The following ABCB1 variants were observed in gnomAD, a reference collection of about 807,000 sequenced individuals.
ABCB1 encodes ATP binding cassette subfamily B member 1.
In ABCB1, 69 loss-of-function variants were observed where a neutral mutation model predicts 142.0. The ratio of observed to expected loss-of-function variants is 0.49; its 90% CI spans 0.40 to 0.59. The LOEUF is 0.59. ABCB1 is among the 20% of genes least tolerant of loss of function. The pLI is 0.00. For missense variants in ABCB1, 1,326 were observed against 1,554.7 expected (o/e 0.85, Z 2.47); for synonymous variants, 532 against 539.2 (o/e 0.99, Z 0.18).
At chr7:87,569,991 A>G (rs758937871) in intron 5 of ABCB1, among the ~76,000 whole-genome samples, 181 bp downstream of exon 5, 1 of 152,180 alleles carries the variant, frequency 6.6e-6, no homozygotes, top group Non-Finnish European at 1.5e-5. Context: ...GCTTAACTCT[A>G]ACTTTTGTAT....
chr7:87,638,761 A>G (rs934722847), intron 1 of ABCB1, among the ~76,000 whole-genome samples: 1 of 151,886 alleles, frequency 6.6e-6, no homozygotes, highest in Non-Finnish European at 1.5e-5. Flanking sequence ...AATTTTACCA[A>G]CTTTTTCAAA....
intron 4 of ABCB1, among the ~76,000 whole-genome samples, chr7:87,582,482 G>A (rs1818550122): frequency 6.6e-6 from 1 of 152,324 alleles, no homozygotes; most frequent in African/African-American, 2.4e-5. Context: ...GGAATGATGA[G>A]GGCATGTACT....
chr7:87,513,515 T>C (rs1035311346), intron 25 of ABCB1, among the ~76,000 whole-genome samples: 2 of 152,208 alleles, frequency 1.3e-5, no homozygotes, highest in African/African-American at 4.8e-5. Flanking sequence ...GGAAAGTGAC[T>C]ATGAGTACAT....
intron 4 of ABCB1, among the ~76,000 whole-genome samples, chr7:87,574,244 A>G (rs1563058896): frequency 6.6e-6 from 1 of 152,144 alleles, no homozygotes; most frequent in African/African-American, 2.4e-5. Flanking sequence ...AGCTTCTAAG[A>G]GAGGAGGACG....
At chr7:87,505,095 C>T (rs1261542292) in intron 27 of ABCB1, among the ~76,000 whole-genome samples, 2 of 151,998 alleles carry the variant, frequency 1.3e-5, no homozygotes, top group Non-Finnish European at 2.9e-5. Flanking sequence ...TTCTGAGTAG[C>T]TGGGACTACA....
intron 7 of ABCB1, among the ~76,000 whole-genome samples, chr7:87,562,870 G>T (rs1240698293): frequency 6.6e-6 from 1 of 151,888 alleles, no homozygotes; most frequent in African/African-American, 2.4e-5. Flanking sequence ...GGTGACAAGT[G>T]GGAGAATCAC....
At chr7:87,657,898 C>T (rs1824276191) in intron 1 of ABCB1, among the ~76,000 whole-genome samples, 1 of 152,140 alleles carries the variant, frequency 6.6e-6, no homozygotes, top group Non-Finnish European at 1.5e-5. Context: ...CAATGCCCCC[C>T]TCCCACCTTC....
In ABCB1 at chr7:87,526,240, T is replaced by C. The variant is rs186248348; in HGVS notation, c.2685+5054A>G. On this transcript the variant is annotated intron_variant, in intron 21 of 27. Coordinates refer to ENST00000622132, the MANE Select transcript of ABCB1 (RefSeq NM_001348946.2). ...CTCTGTCATAAATCCTGTGAAATCA[T>C]GTACATCTGGACACAGTTTTCTCCA... Among the ~76,000 whole-genome samples, 20 of 152,088 alleles carry C rather than the reference T, an allele frequency of 1.3e-4. No individual in the cohort carries two copies. The East Asian group carries it at 3.5e-3, about 26-fold the overall frequency.
At chr7:87,712,847 A>G (rs1036088723) in intron 1 of ABCB1, among the ~76,000 whole-genome samples, 3 of 152,154 alleles carry the variant, frequency 2.0e-5, no homozygotes, top group Non-Finnish European at 4.4e-5. Flanking sequence ...ATATGCACAC[A>G]TACATATAAT....
chr7:87,506,114 T>C (rs1814727100), intron 26 of ABCB1, 71 bp from the exon 27 acceptor site: 2 of 1,501,510 alleles, frequency 1.3e-6, no homozygotes, highest in African/African-American at 1.4e-5. Context: ...TTATAGAAAG[T>C]AGGATAGACG....
intron 3 of ABCB1, among the ~76,000 whole-genome samples, chr7:87,593,640 C>T (rs1395062368): frequency 6.6e-6 from 1 of 152,184 alleles, no homozygotes; most frequent in African/African-American, 2.4e-5. Flanking sequence ...TGCAGTTCTG[C>T]CTTCCTTCTA....
chr7:87,709,227 A>C, intron 1 of ABCB1: 1 of 984,734 alleles, frequency 1.0e-6, no homozygotes, highest in South Asian at 4.7e-5. Flanking sequence ...TACATTTCTT[A>C]TCTAGTAACA....
At chr7:87,628,562 G>A in intron 1 of ABCB1, 1 of 329,492 alleles carries the variant, frequency 3.0e-6, no homozygotes, top group East Asian at 4.6e-5. Context: ...GGCGCGCCGA[G>A]GGCGGAGGTG....
intron 4 of ABCB1, among the ~76,000 whole-genome samples, chr7:87,584,253 A>T (rs1188844365): frequency 1.3e-5 from 2 of 152,184 alleles, no homozygotes; most frequent in African/African-American, 2.4e-5. Flanking sequence ...GTATCAAAAG[A>T]TCCGTATATA....
In ABCB1 at chr7:87,549,354, C is replaced by T; in HGVS notation, c.1719G>A (p.Leu573=). ...TGAACTAAGCCTCACTGACCTTATC[C>T]AGAGCCACCTGAACCACTGCTTCGC... The part of the protein sequence containing the change: ...TESEAVVQVA[L]DKARKGRTTI... Residue 573 remains leucine (L), a synonymous_variant, in exon 14 of 28, where the codon CTG becomes CTA. Coordinates refer to ENST00000622132, the MANE Select transcript of ABCB1 (RefSeq NM_001348946.2). 6.2e-7 allele frequency: 1 copy of T among 1,614,100 alleles called. No homozygotes were observed. Among genetic ancestry groups the T allele is most frequent in the Non-Finnish European group, 8.5e-7 (1 of 1,180,010 alleles).
chr7:87,657,680 G>A (rs1489701615), intron 1 of ABCB1, among the ~76,000 whole-genome samples: 2 of 152,224 alleles, frequency 1.3e-5, no homozygotes, highest in South Asian at 2.1e-4. Context: ...GCCATACTGG[G>A]GTGGGGTCAG....
At chr7:87,710,130 T>C (rs1296221825) in intron 1 of ABCB1, among the ~76,000 whole-genome samples, 4 of 152,172 alleles carry the variant, frequency 2.6e-5, no homozygotes, top group Non-Finnish European at 5.9e-5. Flanking sequence ...AGGATAGGAT[T>C]GAAAATTTTC....
At chr7:87,546,113 G>A in intron 14 of ABCB1, 89 bp from the exon 15 acceptor site, 1 of 1,325,840 alleles carries the variant, frequency 7.5e-7, no homozygotes, top group Non-Finnish European at 1.1e-6. Context: ...AACCAATGCT[G>A]TGGGCATTGT....
chr7:87,597,846 T>C (rs968936786), intron 2 of ABCB1, among the ~76,000 whole-genome samples: 1 of 152,176 alleles, frequency 6.6e-6, no homozygotes, highest in African/African-American at 2.4e-5. Context: ...CCAAGAATGT[T>C]TTCCATAGGA....
Sources: gnomAD v4.1 joint callset for allele counts (sites outside exome capture counted in the v4.1 genomes callset) on GRCh38, gnomAD v4.1.1 for gene constraint, MANE v1.5 for transcripts, NCBI Gene and HGNC (gene_info 2026-07-23, HGNC 2026-07-21) for gene names.